CDON: variants seen among roughly 807,000 people sequenced by gnomAD.
The protein encoded by CDON is cell adhesion associated, oncogene regulated.
Under a neutral mutation model 120.9 loss-of-function variants are expected in CDON, and 73 were observed. The observed-to-expected ratio is 0.60, with a 90% CI of 0.50 to 0.73. The LOEUF is 0.73. CDON is among the 30% of genes least tolerant of loss of function. The pLI, the probability that CDON is intolerant of heterozygous loss-of-function variation, is 0.00. For missense variants in CDON, 1,470 were observed against 1,587.3 expected (o/e 0.93, Z 1.26); for synonymous variants, 566 against 573.5 (o/e 0.99, Z 0.19).
At chr11:126,040,372 G>T (rs963616315) in intron 1 of CDON, among the ~76,000 whole-genome samples, 1 of 152,184 alleles carries the variant, frequency 6.6e-6, no homozygotes, top group Non-Finnish European at 1.5e-5. Context: ...CACAAAATGA[G>T]TGCTTAGTAA....
intron 9 of CDON, 155 bp from the exon 10 acceptor site, chr11:126,004,231 A>G (rs1947050277): frequency 1.2e-5 from 9 of 742,922 alleles, no homozygotes; most frequent in South Asian, 1.1e-4. Context: ...ATACTTCTTC[A>G]TATTAAGAAA....
chr11:126,055,289 A>AC (rs1300347002), intron 1 of CDON, among the ~76,000 whole-genome samples: 1 of 152,198 alleles, frequency 6.6e-6, no homozygotes, highest in African/African-American at 2.4e-5. Context: ...GGTAATGGTA[A>AC]CAGACAAGAG....
chr11:126,026,713 G>A (rs1190409411), intron 1 of CDON, among the ~76,000 whole-genome samples: 8 of 152,162 alleles, frequency 5.3e-5, no homozygotes, highest in South Asian at 2.1e-4. Flanking sequence ...ATGACTCAGC[G>A]GCAGAAGAGT....
At chr11:126,019,987 T>C (rs1438920969) in intron 3 of CDON, among the ~76,000 whole-genome samples, 2 of 147,916 alleles carry the variant, frequency 1.4e-5, no homozygotes, top group African/African-American at 5.0e-5. Flanking sequence ...GTTCAGGCTG[T>C]GATGAGCCAA....
chr11:126,017,514 T>C, intron 5 of CDON, 139 bp from the exon 6 acceptor site: 3 of 835,950 alleles, frequency 3.6e-6, no homozygotes, highest in Non-Finnish European at 5.6e-6. Context: ...TCCTTTTTAG[T>C]TGAGGATTAA....
intron 7 of CDON, chr11:126,011,015 G>C: frequency 2.4e-6 from 1 of 423,826 alleles, no homozygotes; most frequent in Non-Finnish European, 4.6e-6. Flanking sequence ...AACATATAAG[G>C]TTGAAACCTC....
intron 15 of CDON, among the ~76,000 whole-genome samples, chr11:125,984,563 G>A (rs959507201): frequency 5.9e-5 from 9 of 152,096 alleles, no homozygotes; most frequent in South Asian, 4.1e-4. Flanking sequence ...TGGGCGTGGC[G>A]GTGGGTGCCT....
In CDON at chr11:126,015,444, G is replaced by T; in HGVS notation, c.995C>A (p.Thr332Asn). 6.2e-6 allele frequency: 10 copies of T among 1,614,028 alleles called. No individual in the cohort carries two copies. The highest frequency in any genetic ancestry group is 7.6e-6 in the Non-Finnish European group (9 of 1,179,934). ...IVSLGATVHF[T>N]CDVHGNPAPN... ...GGCTGGGTTCCCATGAACGTCGCAG[G>T]TAAAGTGTACTGTGGCACCCAGAGA... The change falls in exon 7 of 20, where the codon ACC (threonine) becomes AAC (asparagine). Residue 332 changes from threonine (T) to asparagine (N), a missense_variant. Transcript: ENST00000531738.
chr11:126,062,393 G>A (rs1176346855), intron 1 of CDON, among the ~76,000 whole-genome samples, 186 bp downstream of exon 1: 1 of 152,058 alleles, frequency 6.6e-6, no homozygotes, highest in African/African-American at 2.4e-5. Flanking sequence ...GCGGAACGCC[G>A]GGGCTCCCCG....
intron 1 of CDON, among the ~76,000 whole-genome samples, chr11:126,045,120 G>A (rs1948369752): frequency 6.6e-6 from 1 of 152,128 alleles, no homozygotes; most frequent in South Asian, 2.1e-4. Context: ...CCGCCTCCAG[G>A]GTGCAAGCGA....
chr11:126,047,984 G>C (rs1019334144), intron 1 of CDON, among the ~76,000 whole-genome samples: 10 of 152,098 alleles, frequency 6.6e-5, no homozygotes, highest in African/African-American at 2.4e-4. Context: ...TAAAAATCAA[G>C]AAATGGTCTT....
intron 1 of CDON, among the ~76,000 whole-genome samples, chr11:126,037,933 T>C (rs931871041): frequency 1.3e-5 from 2 of 152,140 alleles, no homozygotes; most frequent in African/African-American, 4.8e-5. Flanking sequence ...TCTTACACTA[T>C]AGTTTTGCCT....
intron 1 of CDON, among the ~76,000 whole-genome samples, chr11:126,031,725 G>T (rs143526265): frequency 1.5e-4 from 23 of 152,254 alleles, no homozygotes; most frequent in African/African-American, 4.8e-4. Flanking sequence ...TTGCCATAAG[G>T]TGATTTTAAG....
intron 18 of CDON, among the ~76,000 whole-genome samples, chr11:125,974,528 C>T (rs924604120): frequency 6.6e-6 from 1 of 151,552 alleles, no homozygotes; most frequent in East Asian, 1.9e-4. Context: ...GAAAAAATAA[C>T]AAAAGATATG....
intron 11 of CDON, among the ~76,000 whole-genome samples, chr11:125,998,987 T>A (rs996487029): frequency 6.6e-6 from 1 of 152,130 alleles, no homozygotes; most frequent in Admixed American, 6.5e-5. Flanking sequence ...CAACCCACCA[T>A]ACAAATACAT....
intron 2 of CDON, among the ~76,000 whole-genome samples, chr11:126,022,777 A>T (rs1947677987): frequency 6.6e-6 from 1 of 152,236 alleles, no homozygotes; most frequent in Non-Finnish European, 1.5e-5. Flanking sequence ...ATTAAAAATA[A>T]ATAGTACTCA....
intron 11 of CDON, among the ~76,000 whole-genome samples, chr11:125,998,136 A>C (rs998762355): frequency 2.0e-5 from 3 of 152,336 alleles, no homozygotes; most frequent in African/African-American, 7.2e-5. Context: ...ATGCCCTAAC[A>C]CACCAGGTAG....
intron 17 of CDON, among the ~76,000 whole-genome samples, chr11:125,980,216 A>G (rs999965156): frequency 6.6e-6 from 1 of 152,232 alleles, no homozygotes; most frequent in African/African-American, 2.4e-5. Flanking sequence ...AACCCCACGT[A>G]AGTCTAAAAT....
intron 1 of CDON, among the ~76,000 whole-genome samples, chr11:126,051,629 CT>C (rs2134916128): frequency 6.6e-6 from 1 of 151,256 alleles, no homozygotes; most frequent in East Asian, 1.9e-4. Flanking sequence ...GACCTAATCG[CT>C]ATAACAATAG....
Sources: gnomAD v4.1 joint callset for allele counts (sites outside exome capture counted in the v4.1 genomes callset) on GRCh38, gnomAD v4.1.1 for gene constraint, MANE v1.5 for transcripts, NCBI Gene and HGNC (gene_info 2026-07-23, HGNC 2026-07-21) for gene names.